The following BANK1 variants were observed in gnomAD, a reference collection of about 807,000 sequenced individuals.
BANK1 encodes the protein B-cell scaffold protein with ankyrin repeats.
BANK1 carries 95 observed loss-of-function variants against 94.5 expected under a neutral mutation model. The observed-to-expected ratio is 1.00, with a 90% CI of 0.85 to 1.19. The LOEUF is 1.19. BANK1 is among the 50% of genes most tolerant of loss of function. The pLI is 0.00. For synonymous variants in BANK1, 334 were observed against 308.4 expected, an observed-to-expected ratio of 1.08 and a Z score of -0.87; for missense variants, 987 against 932.2, an observed-to-expected ratio of 1.06 and a Z score of -0.77.
intron 5 of BANK1, among the ~76,000 whole-genome samples, chr4:101,889,396 A>G (rs1427161432): frequency 6.6e-6 from 1 of 151,968 alleles, no homozygotes; most frequent in Admixed American, 6.6e-5. Flanking sequence ...CAGGAGATCG[A>G]GACCATCCTG....
chr4:102,026,592 G>A (rs932904071), intron 9 of BANK1, among the ~76,000 whole-genome samples: 37 of 152,106 alleles, frequency 2.4e-4, no homozygotes, highest in African/African-American at 8.7e-4. Context: ...ACTTTGGGAG[G>A]CCGAGGCAGG....
intron 6 of BANK1, among the ~76,000 whole-genome samples, chr4:101,905,795 A>G (rs2851314): frequency 0.95 from 144,432 of 152,270 alleles, 68,550 homozygotes; most frequent in Admixed American, 0.96. Flanking sequence ...TAGCATTGTC[A>G]AAAGCTCATA....
intron 11 of BANK1, among the ~76,000 whole-genome samples, chr4:102,052,004 A>C (rs945192111): frequency 1.3e-5 from 2 of 152,034 alleles, no homozygotes; most frequent in African/African-American, 4.8e-5. Context: ...CACCTATTAA[A>C]GTTTTCTGCA....
chr4:101,986,889 GTGTGTGTGTGTATATA>G (rs1367315293), intron 7 of BANK1, among the ~76,000 whole-genome samples: 2 of 95,558 alleles, frequency 2.1e-5, no homozygotes, highest in South Asian at 7.7e-4. Flanking sequence ...GTGTGTGTGT[GTGTGTGTGTGTATATA>G]TATATATATA....
chr4:101,845,292 G>A (rs116722732), intron 2 of BANK1, among the ~76,000 whole-genome samples: 3,907 of 152,086 alleles, frequency 0.026, 176 homozygotes, highest in African/African-American at 0.09. Flanking sequence ...ATTTATTTAT[G>A]TACATATAGC....
At chr4:101,890,719 AT>A (rs139113467) in intron 5 of BANK1, among the ~76,000 whole-genome samples, 2,463 of 140,208 alleles carry the variant, frequency 0.018, 50 homozygotes, top group East Asian at 0.065. Flanking sequence ...TTCATTTGTT[AT>A]TTTTTTTTTC....
chr4:102,063,171 T>G (rs372746553), intron 13 of BANK1, 33 bp downstream of exon 13: 1 of 1,569,350 alleles, frequency 6.4e-7, no homozygotes, highest in Non-Finnish European at 8.8e-7. Context: ...TCAAAAATAA[T>G]AGAGTGATTA....
At chr4:101,896,039 A>G (rs1722064968) in intron 6 of BANK1, among the ~76,000 whole-genome samples, 1 of 151,968 alleles carries the variant, frequency 6.6e-6, no homozygotes, top group South Asian at 2.1e-4. Flanking sequence ...TTCAAATATT[A>G]CATCTTGTTT....
chr4:102,002,775 T>A (rs147846274), intron 7 of BANK1, among the ~76,000 whole-genome samples: 61 of 152,214 alleles, frequency 4.0e-4, no homozygotes, highest in African/African-American at 1.3e-3. Flanking sequence ...CAGGATTCAA[T>A]CTAACAGAGC....
At position 101,894,171 on chromosome 4, in the gene BANK1, CA is replaced by C. The variant is rs1267508604; in HGVS notation, c.904-1133del. Among the ~76,000 whole-genome samples, 3 of 152,074 alleles carry C rather than the reference CA, an allele frequency of 2.0e-5. No individual in the cohort carries two copies. In the East Asian group the frequency reaches 5.8e-4, roughly 29 times the overall value. ...ATGGTATCTGGGACTCTTCATTGCC[CA>C]TATGTGATTACATTACTGAATTTTT... On this transcript the variant is annotated intron_variant, in intron 5 of 16. Transcript: ENST00000322953.
At position 101,877,666 on chromosome 4, in the gene BANK1, C is replaced by G. The variant is rs570397982; in HGVS notation, c.903+7022C>G. ...TTGGGAGGCAGAGGTTGGCAGATCA[C>G]TATAGGTCAGGAGTTTGAGTCCAGC... On this transcript the variant is annotated intron_variant, in intron 5 of 16. Transcript: ENST00000322953. Among the ~76,000 whole-genome samples, 11 of 152,206 alleles carry G rather than the reference C, an allele frequency of 7.2e-5. 1 individual carries two copies. The South Asian group carries it at 2.3e-3, about 32-fold the overall frequency.
chr4:101,986,811 GTATATATA>G (rs1335835631), intron 7 of BANK1, among the ~76,000 whole-genome samples: 3 of 131,916 alleles, frequency 2.3e-5, no homozygotes, highest in African/African-American at 8.7e-5. Context: ...GTATATATAT[GTATATATA>G]TGTGTATATA....
chr4:101,989,014 A>T (rs1430392489), intron 7 of BANK1, among the ~76,000 whole-genome samples: 1 of 152,182 alleles, frequency 6.6e-6, no homozygotes. Context: ...ATATAACATT[A>T]TATAACAGTT....
chr4:101,839,800 G>T (rs10026335), intron 2 of BANK1, among the ~76,000 whole-genome samples: 1 of 151,810 alleles, frequency 6.6e-6, no homozygotes, highest in African/African-American at 2.4e-5. Context: ...TGGAATATGA[G>T]AAAGTGTGAT....
intron 7 of BANK1, among the ~76,000 whole-genome samples, chr4:101,973,184 A>G (rs889304134): frequency 1.3e-5 from 2 of 152,076 alleles, no homozygotes; most frequent in African/African-American, 2.4e-5. Context: ...ATTTGAGGTG[A>G]TGGATATGTT....
At chr4:102,068,282 G>T (rs1378455346) in intron 13 of BANK1, among the ~76,000 whole-genome samples, 1 of 151,706 alleles carries the variant, frequency 6.6e-6, no homozygotes, top group Non-Finnish European at 1.5e-5. Context: ...TAGAAAAATA[G>T]AAAATGAAAA....
chr4:101,950,021 GT>G (rs1560648449), intron 7 of BANK1, among the ~76,000 whole-genome samples: 12 of 8,116 alleles, frequency 1.5e-3, no homozygotes, highest in African/African-American at 2.4e-3. Context: ...AGTAAGGGGT[GT>G]GTGTGTGTGT....
chr4:101,959,824 A>G (rs1036001469), intron 7 of BANK1, among the ~76,000 whole-genome samples: 1 of 152,202 alleles, frequency 6.6e-6, no homozygotes, highest in African/African-American at 2.4e-5. Context: ...CTAAACTGCT[A>G]TATAATTTTT....
At chr4:101,843,598 T>C (rs998892994) in intron 2 of BANK1, among the ~76,000 whole-genome samples, 1 of 152,192 alleles carries the variant, frequency 6.6e-6, no homozygotes, top group African/African-American at 2.4e-5. Flanking sequence ...GTCTAGTATA[T>C]TGTCTTTGCG....
Sources: allele counts gnomAD v4.1 joint callset (sites outside exome capture counted in the v4.1 genomes callset), GRCh38; gene constraint gnomAD v4.1.1; transcripts MANE v1.5; gene names NCBI Gene and HGNC (gene_info 2026-07-23, HGNC 2026-07-21).